Variants in RBFOX1 observed in about 807,000 individuals in gnomAD.
RBFOX1 encodes RNA binding fox-1 homolog 1, also known as RNA binding protein fox-1 homolog 1.
In RBFOX1, 8 loss-of-function variants were observed where a neutral mutation model predicts 57.7. That is an observed-to-expected ratio of 0.14 (90% CI 0.08 to 0.25). RBFOX1 has a LOEUF of 0.25. Ranked by LOEUF, RBFOX1 falls within the 10% of genes least tolerant of loss-of-function variation. The pLI, the probability that RBFOX1 is intolerant of heterozygous loss-of-function variation, is 1.00. For missense variants in RBFOX1, 611 were observed against 548.5 expected (o/e 1.11, Z -1.14); for synonymous variants, 326 against 222.4 (o/e 1.47, Z -4.15).
chr16:6,361,296 C>G (rs377606860), intron 2 of RBFOX1, among the ~76,000 whole-genome samples: 1 of 152,196 alleles, frequency 6.6e-6, no homozygotes, highest in South Asian at 2.1e-4. Context: ...TAGACAAGAA[C>G]TTTAGACACC....
rs187376311 is a variant in RBFOX1, at chr16:6,567,054, C to T, written c.-63-87549C>T. 4.6e-5 allele frequency among the ~76,000 whole-genome samples: 7 copies of T among 152,278 alleles called. No individual in the cohort carries two copies. In the East Asian group the frequency reaches 7.7e-4, roughly 17 times the overall value. On this transcript the variant is annotated intron_variant, in intron 2 of 15. Transcript: ENST00000550418. The stretch of plus-strand genomic sequence containing the variant: ...CAAATCGTTGAAATTAATGGTCAGA[C>T]TCTTCCATAACTGAGTTAGTTTCCC...
chr16:5,781,022 A>G (rs561070414), intron 3 of RBFOX1, among the ~76,000 whole-genome samples: 6 of 152,340 alleles, frequency 3.9e-5, no homozygotes, highest in African/African-American at 9.6e-5. Context: ...GGTTAGAACC[A>G]TGGTGGGTAT....
At chr16:7,658,428 A>C (rs570996317) in intron 12 of RBFOX1, among the ~76,000 whole-genome samples, 1 of 152,188 alleles carries the variant, frequency 6.6e-6, no homozygotes, top group East Asian at 1.9e-4. Context: ...TTCTCCTTGC[A>C]TTTGATCCTG....
At position 6,292,083 on chromosome 16, in the gene RBFOX1, A is replaced by G. The variant is rs74896976; in HGVS notation, c.-126-24912A>G. Among the ~76,000 whole-genome samples the G allele has an allele frequency of 9.2e-3, 1,407 of 152,246 alleles. 25 individuals carry two copies. The highest frequency in any genetic ancestry group is 0.032 in the African/African-American group (1,324 of 41,554). On this transcript the variant is annotated intron_variant, in intron 1 of 15. Coordinates refer to ENST00000550418, the MANE Select transcript of RBFOX1 (RefSeq NM_018723.4). ...TGCCTTTGCACTTTGACTTTAAACA[A>G]GAGAAGGTGTAATTGATAAAGAAAC...
intron 3 of RBFOX1, among the ~76,000 whole-genome samples, chr16:6,904,235 A>G (rs6500867): frequency 0.5 from 75,836 of 151,880 alleles, 19,225 homozygotes; most frequent in African/African-American, 0.6. Context: ...GTGTGTTCTA[A>G]ACTGTCATTT....
In RBFOX1 at chr16:7,697,265, G is replaced by A. The variant is rs114728080; in HGVS notation, c.996-11791G>A. Among the ~76,000 whole-genome samples, 598 of 152,154 alleles carry A rather than the reference G, an allele frequency of 3.9e-3. 3 individuals carry two copies. The highest frequency in any genetic ancestry group is 0.013 in the African/African-American group (559 of 41,500). On this transcript the variant is annotated intron_variant, in intron 14 of 15. Transcript: ENST00000550418. Reference sequence around the variant, plus strand: ...ATCTTTAAGCTGTATTTTGATGGGAGAACAAACAGGACATACTGGCAGATT... The same window carrying A: ...ATCTTTAAGCTGTATTTTGATGGGAAAACAAACAGGACATACTGGCAGATT...
At chr16:7,455,844 A>G (rs2058404637) in intron 4 of RBFOX1, among the ~76,000 whole-genome samples, 1 of 151,968 alleles carries the variant, frequency 6.6e-6, no homozygotes, top group South Asian at 2.1e-4. Context: ...TCAATCAATG[A>G]TAGTCACTGA....
chr16:6,066,111 C>T (rs2343569), intron 1 of RBFOX1, among the ~76,000 whole-genome samples: 132,440 of 151,854 alleles, frequency 0.87, 58,066 homozygotes, highest in East Asian at 0.92. Context: ...CTGGCCAACA[C>T]GGTGAAACCC....
At chr16:6,870,379 T>C (rs1423392829) in intron 3 of RBFOX1, among the ~76,000 whole-genome samples, 3 of 152,194 alleles carry the variant, frequency 2.0e-5, no homozygotes, top group African/African-American at 7.2e-5. Context: ...TTTTCACATA[T>C]CTCATTTGCA....
chr16:7,504,720 TA>T (rs2072237805), intron 4 of RBFOX1, among the ~76,000 whole-genome samples: 1 of 5,174 alleles, frequency 1.9e-4, no homozygotes. Flanking sequence ...TATATATATA[TA>T]TATATATATA....
intron 3 of RBFOX1, among the ~76,000 whole-genome samples, chr16:7,006,110 A>G (rs1465727738): frequency 6.6e-6 from 1 of 152,164 alleles, no homozygotes. Context: ...ACATTTAAAC[A>G]TCTTTGGCTA....
Position 5,979,713 on chromosome 16 carries a change from T to A in RBFOX1, c.351+112378T>A, listed in dbSNP as rs183915389. On this transcript the variant is annotated intron_variant, in intron 4 of 19. Transcript: ENST00000641259. ...CCCATCTCTACTAAAAATACAAAAA[T>A]TAGCTAGGTGTGGTGGTGTGCACCT... 6.7e-3 allele frequency among the ~76,000 whole-genome samples: 1,017 copies of A among 152,134 alleles called. 6 individuals carry two copies. Among genetic ancestry groups the A allele is most frequent in the Non-Finnish European group, 0.01 (685 of 67,990 alleles).
chr16:6,039,307 A>C (rs2095410140), intron 1 of RBFOX1, among the ~76,000 whole-genome samples: 1 of 150,970 alleles, frequency 6.6e-6, no homozygotes, highest in Non-Finnish European at 1.5e-5. Flanking sequence ...GGAATTTGGC[A>C]CAAAAATCTG....
chr16:7,533,211 T>G (rs2080575455), intron 5 of RBFOX1, among the ~76,000 whole-genome samples: 1 of 152,208 alleles, frequency 6.6e-6, no homozygotes, highest in South Asian at 2.1e-4. Context: ...TAATAAAAGA[T>G]TTGGTATTTC....
intron 2 of RBFOX1, among the ~76,000 whole-genome samples, chr16:6,361,431 C>A (rs28646040): frequency 0.016 from 2,451 of 152,052 alleles, 54 homozygotes; most frequent in African/African-American, 0.055. Flanking sequence ...AGTTCGAGAC[C>A]AGCCTGGCCA....
chr16:5,456,508 G>C (rs1361530788), intron 1 of RBFOX1, among the ~76,000 whole-genome samples: 1 of 152,166 alleles, frequency 6.6e-6, no homozygotes, highest in Non-Finnish European at 1.5e-5. Context: ...TGATAGCAAT[G>C]ATGTTTCTGA....
chr16:5,380,706 GT>G (rs1271462515), intron 1 of RBFOX1, among the ~76,000 whole-genome samples: 1 of 152,324 alleles, frequency 6.6e-6, no homozygotes, highest in African/African-American at 2.4e-5. Flanking sequence ...GGGCAAGTAA[GT>G]TGTCCAAAGA....
chr16:6,129,262 C>T (rs1376237511), intron 1 of RBFOX1, among the ~76,000 whole-genome samples: 1 of 151,746 alleles, frequency 6.6e-6, no homozygotes, highest in East Asian at 1.9e-4. Context: ...ATGTTGAAGA[C>T]TTAAAGAGAA....
In RBFOX1 at chr16:6,095,525, G is replaced by A. The variant is rs564085464; in HGVS notation, c.-127+75533G>A. 2.0e-5 allele frequency among the ~76,000 whole-genome samples: 3 copies of A among 152,224 alleles called. No homozygotes were observed. In the South Asian group the frequency reaches 6.2e-4, roughly 32 times the overall value. On this transcript the variant is annotated intron_variant, in intron 1 of 15. Coordinates refer to ENST00000550418, the MANE Select transcript of RBFOX1 (RefSeq NM_018723.4). ...GGTTTTCACAGCCAAGGGAAAGGTA[G>A]GCAGAACTGGAAGCAAGTGGAAATG... is the stretch of plus-strand genomic sequence containing the variant.
Sources: allele counts gnomAD v4.1 joint callset (sites outside exome capture counted in the v4.1 genomes callset), GRCh38; gene constraint gnomAD v4.1.1; transcripts MANE v1.5; gene names NCBI Gene and HGNC (gene_info 2026-07-23, HGNC 2026-07-21).